The following C2orf15 variants were observed in gnomAD, a reference collection of about 807,000 sequenced individuals.
The protein encoded by C2orf15 is uncharacterized protein C2orf15.
C2orf15 carries 3 observed loss-of-function variants against 4.4 expected under a neutral mutation model. The ratio of observed to expected loss-of-function variants is 0.67; its 90% CI spans 0.31 to 1.74. The LOEUF is 1.74. Among genes scored for constraint, C2orf15 ranks in the 40% most tolerant of loss-of-function variants. The pLI is 0.09. For missense variants in C2orf15, 90 were observed against 103.3 expected, an observed-to-expected ratio of 0.87 and a Z score of 0.56; for synonymous variants, 37 against 36.8, an observed-to-expected ratio of 1.00 and a Z score of -0.02.
chr2:99,142,753 A>G (rs975931074), intron 2 of C2orf15, among the ~76,000 whole-genome samples: 2 of 152,224 alleles, frequency 1.3e-5, no homozygotes, highest in African/African-American at 4.8e-5. Flanking sequence ...TCCTCTTCAG[A>G]TACTAAGATT....
chr2:99,147,546 C>A, intron 3 of C2orf15, 53 bp downstream of exon 3: 2 of 1,496,982 alleles, frequency 1.3e-6, no homozygotes, highest in Non-Finnish European at 1.8e-6. Context: ...CTCCTCAGTC[C>A]TTTTATTAGA....
chr2:99,144,133 G>A (rs987910065), intron 2 of C2orf15, among the ~76,000 whole-genome samples: 10 of 152,112 alleles, frequency 6.6e-5, no homozygotes, highest in Admixed American at 5.2e-4. Context: ...CCATTCTCCT[G>A]CCTCAGCCTC....
chr2:99,147,523 T>C, intron 3 of C2orf15, 30 bp downstream of exon 3: 3 of 1,600,354 alleles, frequency 1.9e-6, no homozygotes, highest in East Asian at 2.2e-5. Flanking sequence ...GTCTACCCTA[T>C]TATACTTGGT....
intron 2 of C2orf15, among the ~76,000 whole-genome samples, chr2:99,145,575 A>G (rs76530839): frequency 6.6e-6 from 1 of 151,072 alleles, no homozygotes; most frequent in Non-Finnish European, 1.5e-5. Flanking sequence ...AAAAAAAAAA[A>G]GACCCTTGTG....
chr2:99,143,473 CTTTTT>C (rs1291055324), intron 2 of C2orf15, among the ~76,000 whole-genome samples: 3 of 143,746 alleles, frequency 2.1e-5, no homozygotes, highest in Non-Finnish European at 3.0e-5. Flanking sequence ...TTTTTTTTTC[CTTTTT>C]TTTAAGACAG....
chr2:99,150,412 C>T (rs1301257514), intron 3 of C2orf15, 71 bp from the exon 4 acceptor site: 1 of 863,582 alleles, frequency 1.2e-6, no homozygotes, highest in Non-Finnish European at 1.8e-6. Flanking sequence ...GCTTTTCATT[C>T]AAACAAACAT....
rs1377809209 is a variant in C2orf15 at position 99,150,576 on chromosome 2, TA to T, written c.21del (p.Lys7AsnfsTer19). The T allele has an allele frequency of 1.2e-6, 2 of 1,613,482 alleles. No homozygotes were observed. Among genetic ancestry groups the T allele is most frequent in the African/African-American group, 1.3e-5 (1 of 74,908 alleles). On this transcript the variant is annotated frameshift_variant, in exon 4 of 4. Transcript: ENST00000650052. LOFTEE classifies it high-confidence loss of function. MGFSLS[K>X]SATQVSAIHM... is the part of the protein sequence containing the mutation. Reference sequence around the variant, plus strand: ...CTATCCTAATGGGATTTTCACTTAGTAAATCTGCTACTCAGGTATCTGCTAT... The same window carrying T: ...CTATCCTAATGGGATTTTCACTTAGTAATCTGCTACTCAGGTATCTGCTAT...
At chr2:99,143,315 GTTTGTTT>G (rs1403817433) in intron 2 of C2orf15, among the ~76,000 whole-genome samples, 36 of 147,076 alleles carry the variant, frequency 2.4e-4, no homozygotes, top group African/African-American at 6.7e-4. Flanking sequence ...CTTTTTTTTT[GTTTGTTT>G]TTTGTTTTTT....
At chr2:99,149,678 G>A (rs975766329) in intron 3 of C2orf15, among the ~76,000 whole-genome samples, 4 of 151,080 alleles carry the variant, frequency 2.6e-5, no homozygotes, top group South Asian at 2.1e-4. Context: ...TCCTGACCTC[G>A]TGATCCACCC....
chr2:99,145,136 A>C (rs1055077360), intron 2 of C2orf15, among the ~76,000 whole-genome samples: 2 of 152,132 alleles, frequency 1.3e-5, no homozygotes, highest in Non-Finnish European at 2.9e-5. Context: ...TTGCCTTTCC[A>C]GCTTCTACTG....
intron 2 of C2orf15, among the ~76,000 whole-genome samples, chr2:99,143,588 A>G (rs1221308429): frequency 6.6e-6 from 1 of 151,520 alleles, no homozygotes; most frequent in Non-Finnish European, 1.5e-5. Context: ...CTCCTGCCTT[A>G]GCCCCTTGAG....
At chr2:99,149,467 G>T (rs1431251932) in intron 3 of C2orf15, among the ~76,000 whole-genome samples, 2 of 148,772 alleles carry the variant, frequency 1.3e-5, no homozygotes, top group African/African-American at 5.0e-5. Flanking sequence ...TTTTAAGACG[G>T]AGTCTCGCTC....
chr2:99,144,130 C>T (rs957949952), intron 2 of C2orf15, among the ~76,000 whole-genome samples: 1 of 152,172 alleles, frequency 6.6e-6, no homozygotes, highest in Non-Finnish European at 1.5e-5. Context: ...ACGCCATTCT[C>T]CTGCCTCAGC....
chr2:99,147,322 A>G, intron 2 of C2orf15, 80 bp from the exon 3 acceptor site: 1 of 780,752 alleles, frequency 1.3e-6, no homozygotes, highest in Non-Finnish European at 2.2e-6. Flanking sequence ...CTTAATATCT[A>G]GTAAAGAAAG....
intron 2 of C2orf15, 125 bp downstream of exon 2, chr2:99,142,526 G>A (rs541051356): frequency 6.6e-6 from 1 of 152,134 alleles, no homozygotes; most frequent in East Asian, 1.9e-4. Context: ...TCTTTTCATC[G>A]TGTTATTACA....
At position 99,143,323 on chromosome 2, in the gene C2orf15, T is replaced by G. The variant is rs924850036; in HGVS notation, c.-169+922T>G. 4.6e-5 allele frequency among the ~76,000 whole-genome samples: 7 copies of G among 151,338 alleles called. No individual in the cohort carries two copies. The East Asian group carries it at 7.7e-4, about 17-fold the overall frequency. ...CGCCCAGCTTTTTTTTTGTTTGTTTTTTGTTTTTTGTATTTTTAGTAGAGA... is the reference window on the plus strand; with the variant it reads ...CGCCCAGCTTTTTTTTTGTTTGTTTGTTGTTTTTTGTATTTTTAGTAGAGA... On this transcript the variant is annotated intron_variant, in intron 2 of 3. Coordinates refer to ENST00000650052, the MANE Select transcript of C2orf15 (RefSeq NM_144706.4).
chr2:99,141,850 TCCTGCTGCA>T lies in C2orf15; in HGVS notation c.-372_-364del, dbSNP rs2093566617. The T allele has an allele frequency of 6.6e-6, 1 of 152,408 alleles. No homozygotes were observed. Among genetic ancestry groups the T allele is most frequent in the Admixed American group, 6.5e-5 (1 of 15,286 alleles). 9.4% of individuals were successfully genotyped at this position (152,408 alleles called of 1,614,324 possible). ...TCTCAGAGCTGCTTTCGGGCGCAGC[TCCTGCTGCA>T]GCCAGGGCCCGTTTTAAGAGAGGCT... On this transcript the variant is annotated 5_prime_UTR_variant, in exon 1 of 4. Coordinates refer to ENST00000650052, the MANE Select transcript of C2orf15 (RefSeq NM_144706.4).
At position 99,150,585 on chromosome 2, in the gene C2orf15, T is replaced by C. The variant is rs772061906; in HGVS notation, c.27T>C (p.Ala9=). Reference sequence around the variant, plus strand: ...TGGGATTTTCACTTAGTAAATCTGCTACTCAGGTATCTGCTATACATATGG... The same window carrying C: ...TGGGATTTTCACTTAGTAAATCTGCCACTCAGGTATCTGCTATACATATGG... MGFSLSKS[A]TQVSAIHMDS... is the part of the protein sequence containing the mutation. The change falls in exon 4 of 4, where the codon GCT becomes GCC. Residue 9 remains alanine (A), a synonymous_variant. Coordinates refer to ENST00000650052, the MANE Select transcript of C2orf15 (RefSeq NM_144706.4). The C allele has an allele frequency of 6.8e-6, 11 of 1,613,752 alleles. No individual in the cohort carries two copies. Among genetic ancestry groups the C allele is most frequent in the Non-Finnish European group, 9.3e-6 (11 of 1,179,734 alleles).
At chr2:99,143,773 G>A (rs1445229447) in intron 2 of C2orf15, among the ~76,000 whole-genome samples, 1 of 151,950 alleles carries the variant, frequency 6.6e-6, no homozygotes, top group Non-Finnish European at 1.5e-5. Context: ...GCCTGGCCCA[G>A]GCTAAGCCTT....
Sources: gnomAD v4.1 joint callset for allele counts (sites outside exome capture counted in the v4.1 genomes callset) on GRCh38, gnomAD v4.1.1 for gene constraint, MANE v1.5 for transcripts, NCBI Gene and HGNC (gene_info 2026-07-23, HGNC 2026-07-21) for gene names.